Variants in ACAP2 observed in about 807,000 individuals in gnomAD.
ACAP2 encodes arf-GAP with coiled-coil, ANK repeat and PH domain-containing protein 2.
In ACAP2, 39 loss-of-function variants were observed where a neutral mutation model predicts 115.8. The ratio of observed to expected loss-of-function variants is 0.34; its 90% CI spans 0.26 to 0.44. The LOEUF is 0.44. Ranked by LOEUF, ACAP2 falls within the 20% of genes least tolerant of loss-of-function variation. The pLI, the probability that ACAP2 is intolerant of heterozygous loss-of-function variation, is 1.00. For synonymous variants in ACAP2, 289 were observed against 315.8 expected (o/e 0.92, Z 0.90); for missense variants, 662 against 927.6 (o/e 0.71, Z 3.72).
intron 1 of ACAP2, among the ~76,000 whole-genome samples, chr3:195,438,646 G>T (rs538257221): frequency 6.6e-6 from 1 of 152,278 alleles, no homozygotes; most frequent in South Asian, 2.1e-4. Flanking sequence ...TGCGGCAGGA[G>T]AATCACCTGA....
intron 4 of ACAP2, among the ~76,000 whole-genome samples, chr3:195,367,655 T>C (rs1043720170): frequency 6.6e-6 from 1 of 152,222 alleles, no homozygotes; most frequent in African/African-American, 2.4e-5. Context: ...ATGTGACTTG[T>C]AGGCCCAGGC....
chr3:195,395,157 C>T (rs1460623798), intron 1 of ACAP2, among the ~76,000 whole-genome samples: 1 of 152,058 alleles, frequency 6.6e-6, no homozygotes, highest in South Asian at 2.1e-4. Context: ...CTGCAATCCT[C>T]CCCAATTTTT....
intron 2 of ACAP2, among the ~76,000 whole-genome samples, chr3:195,384,290 A>T (rs1734142049): frequency 1.3e-5 from 2 of 152,230 alleles, no homozygotes; most frequent in African/African-American, 4.8e-5. Context: ...ACCATTTTTT[A>T]AAATGAGACA....
At chr3:195,303,122 A>G (rs1215347476) in intron 13 of ACAP2, among the ~76,000 whole-genome samples, 2 of 152,228 alleles carry the variant, frequency 1.3e-5, no homozygotes, top group Admixed American at 6.5e-5. Flanking sequence ...AGGCTGAGAC[A>G]TGAGAATAGC....
chr3:195,291,165 T>C (rs1215902111), intron 20 of ACAP2, among the ~76,000 whole-genome samples: 4 of 152,228 alleles, frequency 2.6e-5, no homozygotes, highest in African/African-American at 9.6e-5. Context: ...TTCTTTCATG[T>C]ATACTTCCTA....
At chr3:195,366,384 T>C (rs1191854962) in intron 4 of ACAP2, among the ~76,000 whole-genome samples, 4 of 152,226 alleles carry the variant, frequency 2.6e-5, no homozygotes, top group Non-Finnish European at 4.4e-5. Context: ...TGGTTGCACA[T>C]TGAAATAACT....
In ACAP2 at chr3:195,326,872, T is replaced by C; in HGVS notation, c.744+13A>G. ...TAAAGTGGAATTAATTTTTAATTTT[T>C]CCCCTGAGGTACCTTTTGTTGAATG... is the stretch of plus-strand genomic sequence containing the variant. On this transcript the variant is annotated intron_variant, in intron 9 of 22. Transcript: ENST00000326793. The C allele has an allele frequency of 6.2e-7, 1 of 1,613,436 alleles. No homozygotes were observed. The highest frequency in any genetic ancestry group is 8.5e-7 in the Non-Finnish European group (1 of 1,179,498).
chr3:195,307,361 T>C (rs773457679), intron 11 of ACAP2, 38 bp from the exon 12 acceptor site: 1 of 1,260,664 alleles, frequency 7.9e-7, no homozygotes, highest in South Asian at 1.3e-5. Context: ...TTTTTCCACT[T>C]AGGTTTTAAT....
chr3:195,299,557 G>A (rs1445669846), intron 15 of ACAP2, among the ~76,000 whole-genome samples: 14 of 139,050 alleles, frequency 1.0e-4, no homozygotes, highest in African/African-American at 3.2e-4. Flanking sequence ...AAAAAAAAAA[G>A]GCCGGGCGCG....
chr3:195,366,489 T>C (rs1732732954), intron 4 of ACAP2, among the ~76,000 whole-genome samples: 1 of 152,166 alleles, frequency 6.6e-6, no homozygotes, highest in South Asian at 2.1e-4. Context: ...TGACCAAACA[T>C]TACCGCCATC....
At chr3:195,311,445 C>T (rs1211048660) in intron 10 of ACAP2, among the ~76,000 whole-genome samples, 2 of 151,986 alleles carry the variant, frequency 1.3e-5, no homozygotes, top group African/African-American at 4.8e-5. Flanking sequence ...GACTTAAAAA[C>T]AGCTCATGGA....
At chr3:195,396,759 C>T (rs1034722991) in intron 1 of ACAP2, among the ~76,000 whole-genome samples, 31 of 134,190 alleles carry the variant, frequency 2.3e-4, no homozygotes, top group Non-Finnish European at 2.8e-4. Flanking sequence ...TGCACTCCAG[C>T]CTGGGAGACA....
intron 1 of ACAP2, among the ~76,000 whole-genome samples, chr3:195,429,708 A>G (rs1714965370): frequency 6.6e-6 from 1 of 152,202 alleles, no homozygotes; most frequent in Non-Finnish European, 1.5e-5. Context: ...ACACGAATTA[A>G]TACTTTTTAA....
intron 1 of ACAP2, among the ~76,000 whole-genome samples, chr3:195,396,812 A>AAAG (rs1256509128): frequency 6.7e-6 from 1 of 149,888 alleles, no homozygotes; most frequent in East Asian, 1.9e-4. Flanking sequence ...AAAAAAAAAA[A>AAAG]AAGAAGAAGT....
intron 6 of ACAP2, among the ~76,000 whole-genome samples, chr3:195,339,620 A>G (rs1249821687): frequency 6.6e-6 from 1 of 152,022 alleles, no homozygotes; most frequent in African/African-American, 2.4e-5. Flanking sequence ...ACTACTCTCT[A>G]AAGTAGACAT....
At chr3:195,295,933 TCAGCATGGCTAATACCACAACAAGC>T in intron 16 of ACAP2, 41 bp from the exon 17 acceptor site, 1 of 1,536,178 alleles carries the variant, frequency 6.5e-7, no homozygotes, top group Non-Finnish European at 8.8e-7. Context: ...GCTTAATCTC[TCAGCATGGCTAATACCACAACAAGC>T]CATTATATAC....
intron 11 of ACAP2, among the ~76,000 whole-genome samples, chr3:195,308,447 C>G (rs548117904): frequency 1.3e-4 from 20 of 152,184 alleles, no homozygotes; most frequent in Admixed American, 1.2e-3. Context: ...GATCATCACA[C>G]GTTGTATACA....
intron 4 of ACAP2, 66 bp from the exon 5 acceptor site, chr3:195,345,383 T>C (rs1313704194): frequency 3.3e-6 from 3 of 910,294 alleles, no homozygotes; most frequent in Middle Eastern, 2.8e-4. Context: ...TATCGTGCTA[T>C]AAATACCACA....
At chr3:195,388,877 A>G (rs913698303) in intron 2 of ACAP2, among the ~76,000 whole-genome samples, 1 of 152,054 alleles carries the variant, frequency 6.6e-6, no homozygotes, top group Non-Finnish European at 1.5e-5. Flanking sequence ...CGAAAAAATT[A>G]GCCAGGTGTG....
Sources: gnomAD v4.1 joint callset for allele counts (sites outside exome capture counted in the v4.1 genomes callset) on GRCh38, gnomAD v4.1.1 for gene constraint, MANE v1.5 for transcripts, NCBI Gene and HGNC (gene_info 2026-07-23, HGNC 2026-07-21) for gene names.